The following XPO4 variants were observed in gnomAD, a reference collection of about 807,000 sequenced individuals.
XPO4 encodes exportin 4.
A neutral mutation model predicts 143.0 loss-of-function variants in XPO4; 39 were observed. The ratio of observed to expected loss-of-function variants is 0.27; its 90% CI spans 0.21 to 0.36. The LOEUF is 0.36. XPO4 is among the 10% of genes least tolerant of loss of function. The pLI, the probability that XPO4 is intolerant of heterozygous loss-of-function variation, is 1.00. For synonymous variants in XPO4, 439 were observed against 474.0 expected (o/e 0.93, Z 0.96); for missense variants, 907 against 1,348.0 (o/e 0.67, Z 5.12).
chr13:20,808,804 CA>C (rs777669405), intron 11 of XPO4, among the ~76,000 whole-genome samples: 27 of 152,286 alleles, frequency 1.8e-4, no homozygotes, highest in Admixed American at 7.2e-4. Flanking sequence ...AGGTTTACAA[CA>C]GGCATTTGAA....
At chr13:20,899,104 G>A (rs2060595560) in intron 1 of XPO4, among the ~76,000 whole-genome samples, 1 of 152,126 alleles carries the variant, frequency 6.6e-6, no homozygotes, top group Non-Finnish European at 1.5e-5. Context: ...TCAAAAGAAA[G>A]GGAGGGGATC....
intron 1 of XPO4, among the ~76,000 whole-genome samples, chr13:20,885,100 G>A (rs1198729953): frequency 1.3e-5 from 2 of 152,122 alleles, no homozygotes; most frequent in African/African-American, 2.4e-5. Context: ...TTACAGGCAT[G>A]CGCCACCACG....
intron 9 of XPO4, among the ~76,000 whole-genome samples, chr13:20,812,142 A>ACG (rs2059590882): frequency 6.6e-6 from 1 of 152,136 alleles, no homozygotes. Context: ...AGGCTGAGGT[A>ACG]GGTGAATCAC....
chr13:20,788,345 C>T, intron 20 of XPO4, 141 bp downstream of exon 20: 2 of 1,143,412 alleles, frequency 1.7e-6, no homozygotes, highest in Non-Finnish European at 2.4e-6. Context: ...GTGTGAGCCA[C>T]CGTGCCTGGC....
At chr13:20,843,736 A>G in intron 5 of XPO4, 34 bp downstream of exon 5, 1 of 1,437,786 alleles carries the variant, frequency 7.0e-7, no homozygotes, top group Non-Finnish European at 9.8e-7. Flanking sequence ...TGAATGATCC[A>G]ATAATTAAAA....
intron 1 of XPO4, among the ~76,000 whole-genome samples, chr13:20,887,324 G>A (rs1453761550): frequency 1.3e-5 from 2 of 152,046 alleles, no homozygotes; most frequent in African/African-American, 4.8e-5. Flanking sequence ...ACATAAGGGA[G>A]GTGATGGATA....
chr13:20,869,865 G>C (rs2138136743), intron 1 of XPO4, among the ~76,000 whole-genome samples: 1 of 152,186 alleles, frequency 6.6e-6, no homozygotes, highest in South Asian at 2.1e-4. Flanking sequence ...AGCACTTTGG[G>C]AGGCCAAGGC....
At chr13:20,819,413 G>T (rs1053740849) in intron 9 of XPO4, among the ~76,000 whole-genome samples, 1 of 152,066 alleles carries the variant, frequency 6.6e-6, no homozygotes, top group Non-Finnish European at 1.5e-5. Flanking sequence ...TGTAATCCTA[G>T]CACTTTGGGA....
intron 7 of XPO4, among the ~76,000 whole-genome samples, chr13:20,826,646 G>C (rs1275836479): frequency 6.6e-6 from 1 of 152,132 alleles, no homozygotes; most frequent in Admixed American, 6.5e-5. Flanking sequence ...CATTAAACTT[G>C]CTTCGTTTTC....
intron 3 of XPO4, chr13:20,856,998 G>T (rs2060150859): frequency 7.9e-6 from 4 of 503,672 alleles, no homozygotes; most frequent in South Asian, 8.5e-5. Flanking sequence ...TGCATAACAT[G>T]CATTTATTAG....
chr13:20,780,014 G>T lies in XPO4; in HGVS notation c.*3708C>A, dbSNP rs924429774. On this transcript the variant is annotated 3_prime_UTR_variant, in exon 23 of 23. Coordinates refer to ENST00000255305, the MANE Select transcript of XPO4 (RefSeq NM_022459.5). Reference sequence around the variant, plus strand: ...AGAATAACCACTTATATTTTAAAAAGATTAAAACATTATTATATCCTCAAA... The same window carrying T: ...AGAATAACCACTTATATTTTAAAAATATTAAAACATTATTATATCCTCAAA... The T allele has an allele frequency of 5.9e-5, 9 of 152,160 alleles. No homozygotes were observed. The highest frequency in any genetic ancestry group is 4.1e-4 in the South Asian group (2 of 4,830). The allele number at this position is 152,160 out of a possible 1,614,324, so 9.4% of individuals were successfully genotyped here.
At chr13:20,894,418 C>T (rs2060548447) in intron 1 of XPO4, among the ~76,000 whole-genome samples, 1 of 152,212 alleles carries the variant, frequency 6.6e-6, no homozygotes, top group South Asian at 2.1e-4. Flanking sequence ...GAATGCCCTG[C>T]ATTTGCATTT....
At chr13:20,886,071 T>C (rs1464341395) in intron 1 of XPO4, among the ~76,000 whole-genome samples, 1 of 152,244 alleles carries the variant, frequency 6.6e-6, no homozygotes, top group Non-Finnish European at 1.5e-5. Context: ...AAGTATCTAA[T>C]GAATTTGATT....
At chr13:20,856,973 A>G in intron 3 of XPO4, 1 of 741,612 alleles carries the variant, frequency 1.3e-6, no homozygotes, top group Non-Finnish European at 1.6e-6. Context: ...AGCATATGCA[A>G]AGCACACTAC....
chr13:20,824,256 CTCTTA>C (rs142910132), intron 7 of XPO4, among the ~76,000 whole-genome samples: 5,778 of 152,268 alleles, frequency 0.038, 366 homozygotes, highest in African/African-American at 0.13. Context: ...ACACAACTCA[CTCTTA>C]TAAGTTCTTT....
intron 6 of XPO4, among the ~76,000 whole-genome samples, chr13:20,836,906 A>G (rs944652465): frequency 3.3e-5 from 5 of 152,196 alleles, no homozygotes; most frequent in African/African-American, 1.2e-4. Flanking sequence ...CATTTCATAA[A>G]TATGTTATCA....
At position 20,809,947 on chromosome 13, in the gene XPO4, T is replaced by A; in HGVS notation, c.1194A>T (p.Val398=). ...LEEVLDKDDM[V]YMEAYDKLLE... Reference sequence around the variant, plus strand: ...ACAATTTATCATATGCTTCCATGTATACCATGTCATCTTTATCAAGCTAAA... The same window carrying A: ...ACAATTTATCATATGCTTCCATGTAAACCATGTCATCTTTATCAAGCTAAA... The change falls in exon 10 of 23, where the codon GTA becomes GTT. Residue 398 remains valine (V), a synonymous_variant. Transcript: ENST00000255305. 1.2e-6 allele frequency: 2 copies of A among 1,609,026 alleles called. No individual in the cohort carries two copies. Among genetic ancestry groups the A allele is most frequent in the Non-Finnish European group, 8.5e-7 (1 of 1,178,246 alleles).
At chr13:20,896,658 T>C (rs1375117063) in intron 1 of XPO4, among the ~76,000 whole-genome samples, 4 of 152,216 alleles carry the variant, frequency 2.6e-5, no homozygotes, top group African/African-American at 9.6e-5. Context: ...CGAAATGTCA[T>C]ATCACCTGCA....
At chr13:20,855,850 CTAA>C in intron 3 of XPO4, 85 bp from the exon 4 acceptor site, 6 of 1,347,952 alleles carry the variant, frequency 4.5e-6, no homozygotes, top group Non-Finnish European at 4.0e-6. Context: ...CCTGAAGCTA[CTAA>C]TAACATTGCT....
Sources: allele counts gnomAD v4.1 joint callset (sites outside exome capture counted in the v4.1 genomes callset), GRCh38; gene constraint gnomAD v4.1.1; transcripts MANE v1.5; gene names NCBI Gene and HGNC (gene_info 2026-07-23, HGNC 2026-07-21).